The following ADRA2A variants were observed in gnomAD, a reference collection of about 807,000 sequenced individuals.
ADRA2A encodes alpha-2A adrenergic receptor.
A neutral mutation model predicts 5.9 loss-of-function variants in ADRA2A; 6 were observed. The observed-to-expected ratio is 1.01, with a 90% CI of 0.55 to 2.00. The LOEUF is 2.00. Ranked by LOEUF, ADRA2A falls within the 30% of genes most tolerant of loss-of-function variation. The pLI is 0.00. For synonymous variants in ADRA2A, 345 were observed against 325.9 expected (o/e 1.06, Z -0.63); for missense variants, 647 against 690.0 (o/e 0.94, Z 0.70).
Position 111,079,173 on chromosome 10 carries a change from G to A in ADRA2A, c.1177G>A (p.Val393Met). 6.2e-7 allele frequency: 1 copy of A among 1,613,624 alleles called. No individual in the cohort carries two copies. The highest frequency in any genetic ancestry group is 8.5e-7 in the Non-Finnish European group (1 of 1,179,860). The change falls in exon 1 of 1, where the codon GTG becomes ATG. Residue 393 changes from valine (V) to methionine (M), a missense_variant. Around this residue, in one of 3 missense-constraint regions of ADRA2A, gnomAD observed 577 missense variants for 605.4 expected, o/e 0.95. Transcript: ENST00000280155. ...REKRFTFVLA[V>M]VIGVFVVCWF... ...GAAGCGCTTCACGTTCGTGCTGGCCGTGGTCATCGGAGTGTTCGTGGTGTG... is the reference window on the plus strand; with the variant it reads ...GAAGCGCTTCACGTTCGTGCTGGCCATGGTCATCGGAGTGTTCGTGGTGTG...
In ADRA2A at chr10:111,079,567, G is replaced by A. The variant is rs763284560; in HGVS notation, c.*173G>A. ...GGCGTCTGCTGCTCCTACAAGGGAA[G>A]CTTCTTGCTGCCAGGCCCACACATC... On this transcript the variant is annotated 3_prime_UTR_variant, in exon 1 of 1. Transcript: ENST00000280155. 2 of 686,440 alleles carry A rather than the reference G, an allele frequency of 2.9e-6. No individual in the cohort carries two copies. Among genetic ancestry groups the A allele is most frequent in the Non-Finnish European group, 5.0e-6 (2 of 402,022 alleles). The allele number at this position is 686,440 out of a possible 1,614,324, so 42.5% of individuals were successfully genotyped here.
In ADRA2A at chr10:111,080,636, G is replaced by A. The variant is rs1404362118; in HGVS notation, c.*1242G>A. ...CTGCCAAAGTCAGGGGAGGAGGGCA[G>A]AGACTTTGTGTTTACATCTGCATTT... is the stretch of plus-strand genomic sequence containing the variant. On this transcript the variant is annotated 3_prime_UTR_variant, in exon 1 of 1. Transcript: ENST00000280155. The A allele has an allele frequency of 6.0e-6, 1 of 167,092 alleles. No individual in the cohort carries two copies. Among genetic ancestry groups the A allele is most frequent in the Non-Finnish European group, 1.5e-5 (1 of 68,120 alleles). The allele number at this position is 167,092 out of a possible 1,614,324, so 10.4% of individuals were successfully genotyped here.
Position 111,079,078 on chromosome 10 carries a change from C to T in ADRA2A, c.1082C>T (p.Ala361Val). Residue 361 changes from alanine (A) to valine (V), a missense_variant, in exon 1 of 1, where the codon GCT (alanine) becomes GTT (valine). Around this residue, in one of 3 missense-constraint regions of ADRA2A, gnomAD observed 577 missense variants for 605.4 expected, o/e 0.95. Coordinates refer to ENST00000280155, the MANE Select transcript of ADRA2A (RefSeq NM_000681.4). Reference protein sequence around the residue: ...GPGATGIGTPAAGPGEERVGA... With the variant: ...GPGATGIGTPVAGPGEERVGA... ...GGGGCGACGGGGATCGGGACGCCGG[C>T]TGCAGGGCCGGGGGAGGAGCGCGTC... is the stretch of plus-strand genomic sequence containing the variant. 7.1e-6 allele frequency: 10 copies of T among 1,410,878 alleles called. No homozygotes were observed. The highest frequency in any genetic ancestry group is 9.2e-6 in the Non-Finnish European group (10 of 1,087,272). 87.4% of individuals were successfully genotyped at this position (1,410,878 alleles called of 1,614,324 possible). A position where few individuals can be genotyped will look rare whatever the true frequency, so the allele number is the denominator to read the frequency against.
chr10:111,078,249 C>G lies in ADRA2A; in HGVS notation c.253C>G (p.Leu85Val). 6.2e-7 allele frequency: 1 copy of G among 1,613,596 alleles called. No individual in the cohort carries two copies. The highest frequency in any genetic ancestry group is 1.7e-5 in the Admixed American group (1 of 60,014). The stretch of plus-strand genomic sequence containing the variant: ...CCGCGCGCTCAAGGCGCCCCAAAAC[C>G]TCTTCCTGGTGTCTCTGGCCTCGGC... Reference protein sequence around the residue: ...TSRALKAPQNLFLVSLASADI... With the variant: ...TSRALKAPQNVFLVSLASADI... The change falls in exon 1 of 1, where the codon CTC (leucine) becomes GTC (valine). Residue 85 changes from leucine (L) to valine (V), a missense_variant. This residue lies in a region of ADRA2A where 577 missense variants were observed against 605.4 expected (regional missense o/e 0.95). Coordinates refer to ENST00000280155, the MANE Select transcript of ADRA2A (RefSeq NM_000681.4).
rs768660198 is a variant in ADRA2A, at chr10:111,080,230, C to G, written c.*836C>G. 3 of 167,056 alleles carry G rather than the reference C, an allele frequency of 1.8e-5. No homozygotes were observed. Among genetic ancestry groups the G allele is most frequent in the Non-Finnish European group, 2.9e-5 (2 of 68,132 alleles). The allele number at this position is 167,056 out of a possible 1,614,324, so 10.3% of individuals were successfully genotyped here. On this transcript the variant is annotated 3_prime_UTR_variant, in exon 1 of 1. Transcript: ENST00000280155. The stretch of plus-strand genomic sequence containing the variant: ...TGAGCCTTTCTGCCTCACATCAGCC[C>G]TGTGTATAAAGCCATTATTCTCTGA...
In ADRA2A at chr10:111,077,919, C is replaced by A; in HGVS notation, c.-78C>A. On this transcript the variant is annotated 5_prime_UTR_variant, in exon 1 of 1. Coordinates refer to ENST00000280155, the MANE Select transcript of ADRA2A (RefSeq NM_000681.4). ...AGCCGCAGCCAGGCGAGCGGGGCGC[C>A]GGAGGAAGAGGAGGACCCACGGGCG... 1 of 1,322,362 alleles carries A rather than the reference C, an allele frequency of 7.6e-7. No homozygotes were observed. Among genetic ancestry groups the A allele is most frequent in the South Asian group, 2.3e-5 (1 of 43,330 alleles). 81.9% of individuals were successfully genotyped at this position (1,322,362 alleles called of 1,614,324 possible). A position where few individuals can be genotyped will look rare whatever the true frequency, so the allele number is the denominator to read the frequency against.
rs1174185126 is a variant in ADRA2A, at chr10:111,078,909, G to A, written c.913G>A (p.Ala305Thr). The A allele has an allele frequency of 8.2e-7, 1 of 1,220,430 alleles. No homozygotes were observed. The allele number at this position is 1,220,430 out of a possible 1,614,324, so 75.6% of individuals were successfully genotyped here. A position where few individuals can be genotyped will look rare whatever the true frequency, so the allele number is the denominator to read the frequency against. ...GCCGGCCGGGCCGCGCGACACCGACGCGCTGGACCTGGAGGAGAGCTCGTC... is the reference window on the plus strand; with the variant it reads ...GCCGGCCGGGCCGCGCGACACCGACACGCTGGACCTGGAGGAGAGCTCGTC... ...PAPAGPRDTD[A>T]LDLEESSSSD... The change falls in exon 1 of 1, where the codon GCG (alanine) becomes ACG (threonine). Residue 305 changes from alanine to threonine, a missense_variant. Physicochemically the swap from Ala to Thr is moderately conservative, Grantham distance 58. Coordinates refer to ENST00000280155, the MANE Select transcript of ADRA2A (RefSeq NM_000681.4).
Position 111,077,965 on chromosome 10 carries a change from C to T in ADRA2A, c.-32C>T, listed in dbSNP as rs1212699700. ...GGGCGCCGGGCCGGAAGGCAGCTGGCAGCAGGCCCAGGCCAGCGGGCGCCC... is the reference window on the plus strand; with the variant it reads ...GGGCGCCGGGCCGGAAGGCAGCTGGTAGCAGGCCCAGGCCAGCGGGCGCCC... On this transcript the variant is annotated 5_prime_UTR_variant, in exon 1 of 1. Transcript: ENST00000280155. 7.4e-6 allele frequency: 10 copies of T among 1,353,504 alleles called. No individual in the cohort carries two copies. Among genetic ancestry groups the T allele is most frequent in the Non-Finnish European group, 9.4e-6 (10 of 1,061,022 alleles). 83.8% of individuals were successfully genotyped at this position (1,353,504 alleles called of 1,614,324 possible). A position where few individuals can be genotyped will look rare whatever the true frequency, so the allele number is the denominator to read the frequency against.
rs199783285 is a variant in ADRA2A, at chr10:111,078,526, C to T, written c.530C>T (p.Ala177Val). ...AIIITVWVIS[A>V]VISFPPLISI... Reference sequence around the variant, plus strand: ...ATCATCACCGTGTGGGTCATCTCGGCCGTCATCTCCTTCCCGCCGCTCATC... The same window carrying T: ...ATCATCACCGTGTGGGTCATCTCGGTCGTCATCTCCTTCCCGCCGCTCATC... The change falls in exon 1 of 1, where the codon GCC becomes GTC. Residue 177 changes from alanine (A) to valine (V), a missense_variant. Ala to Val is a moderately conservative substitution (Grantham distance 64). Around this residue, in one of 3 missense-constraint regions of ADRA2A, gnomAD observed 577 missense variants for 605.4 expected, o/e 0.95. Transcript: ENST00000280155. The T allele has an allele frequency of 6.3e-5, 101 of 1,610,086 alleles. No homozygotes were observed. The highest frequency in any genetic ancestry group is 7.7e-5 in the Non-Finnish European group (91 of 1,177,480).
rs1423589963 is a variant in ADRA2A, at chr10:111,080,163, T to A, written c.*769T>A. 1 of 167,096 alleles carries A rather than the reference T, an allele frequency of 6.0e-6. No homozygotes were observed. The highest frequency in any genetic ancestry group is 2.4e-5 in the African/African-American group (1 of 41,444). The allele number at this position is 167,096 out of a possible 1,614,324, so 10.4% of individuals were successfully genotyped here. A position where few individuals can be genotyped will look rare whatever the true frequency, so the allele number is the denominator to read the frequency against. ...TGTGCCTAACAGCATAATTGCCTTT[T>A]CCTATGTAAATATTATGATGGTGGA... On this transcript the variant is annotated 3_prime_UTR_variant, in exon 1 of 1. Coordinates refer to ENST00000280155, the MANE Select transcript of ADRA2A (RefSeq NM_000681.4).
In ADRA2A at chr10:111,077,647, G is replaced by A. The variant is rs1003792959; in HGVS notation, c.-350G>A. ...ATTTAATTTCCTGTCATCCTTCCAAGTTATCAGGCCACCGATGATTTTTGT... is the reference window on the plus strand; with the variant it reads ...ATTTAATTTCCTGTCATCCTTCCAAATTATCAGGCCACCGATGATTTTTGT... On this transcript the variant is annotated 5_prime_UTR_variant, in exon 1 of 1. Transcript: ENST00000280155. 2.5e-5 allele frequency: 4 copies of A among 158,014 alleles called. No individual in the cohort carries two copies. The Admixed American group carries it at 2.6e-4, about 10-fold the overall frequency. The allele number at this position is 158,014 out of a possible 1,614,324, so 9.8% of individuals were successfully genotyped here.
Position 111,079,454 on chromosome 10 carries a change from G to A in ADRA2A, c.*60G>A, listed in dbSNP as rs533089129. On this transcript the variant is annotated 3_prime_UTR_variant, in exon 1 of 1. Transcript: ENST00000280155. ...CTGCAGGCAGCGGGGGGCATCGAGGGGTGCTTAGCCCCAGGGCACTCAGAA... is the reference window on the plus strand; with the variant it reads ...CTGCAGGCAGCGGGGGGCATCGAGGAGTGCTTAGCCCCAGGGCACTCAGAA... 47 of 1,573,996 alleles carry A rather than the reference G, an allele frequency of 3.0e-5. 2 individuals carry two copies. The South Asian group carries it at 5.0e-4, about 17-fold the overall frequency.
At position 111,078,739 on chromosome 10, in the gene ADRA2A, G is replaced by A. The variant is rs780653851; in HGVS notation, c.743G>A (p.Arg248His). ...AKRRTRVPPS[R>H]RGPDAVAAPP... Reference sequence around the variant, plus strand: ...CGTCGCACCCGCGTGCCACCCAGCCGCCGGGGTCCGGACGCCGTCGCCGCG... The same window carrying A: ...CGTCGCACCCGCGTGCCACCCAGCCACCGGGGTCCGGACGCCGTCGCCGCG... The change falls in exon 1 of 1, where the codon CGC becomes CAC. Residue 248 changes from arginine to histidine, a missense_variant. Arg to His is a conservative substitution (Grantham distance 29). Transcript: ENST00000280155. The A allele has an allele frequency of 4.7e-6, 7 of 1,485,348 alleles. No homozygotes were observed. Among genetic ancestry groups the A allele is most frequent in the Non-Finnish European group, 4.4e-6 (5 of 1,124,788 alleles). 92.0% of individuals were successfully genotyped at this position (1,485,348 alleles called of 1,614,324 possible). A position where few individuals can be genotyped will look rare whatever the true frequency, so the allele number is the denominator to read the frequency against.
chr10:111,078,578 C>T lies in ADRA2A; in HGVS notation c.582C>T (p.Gly194=), dbSNP rs774481735. The change falls in exon 1 of 1, where the codon GGC becomes GGT. Residue 194 remains glycine (G), a synonymous_variant. Coordinates refer to ENST00000280155, the MANE Select transcript of ADRA2A (RefSeq NM_000681.4). ...CCATCGAGAAGAAGGGCGGCGGCGG[C>T]GGCCCGCAGCCGGCCGAGCCGCGCT... ...LISIEKKGGG[G]GPQPAEPRCE... is the part of the protein sequence containing the mutation. The T allele has an allele frequency of 5.0e-6, 8 of 1,597,714 alleles. No individual in the cohort carries two copies. The highest frequency in any genetic ancestry group is 2.7e-5 in the African/African-American group (2 of 74,372).
Position 111,077,136 on chromosome 10 carries a change from T to G in ADRA2A, c.-861T>G, listed in dbSNP as rs914901471. 6 of 152,666 alleles carry G rather than the reference T, an allele frequency of 3.9e-5. No individual in the cohort carries two copies. Among genetic ancestry groups the G allele is most frequent in the African/African-American group, 1.4e-4 (6 of 41,454 alleles). 9.5% of individuals were successfully genotyped at this position (152,666 alleles called of 1,614,324 possible). ...CTTGCGCTCCTGCCCCAACTCGCGC[T>G]GTCGTCGGACCCCGGCCCATCCAGC... On this transcript the variant is annotated 5_prime_UTR_variant, in exon 1 of 1. Transcript: ENST00000280155.
chr10:111,078,891 G>A lies in ADRA2A; in HGVS notation c.895G>A (p.Gly299Arg), dbSNP rs898875531. Residue 299 changes from glycine (G) to arginine (R), a missense_variant, in exon 1 of 1, where the codon GGG (glycine) becomes AGG (arginine). Physicochemically the swap from Gly to Arg is moderately radical, Grantham distance 125. Transcript: ENST00000280155. The stretch of plus-strand genomic sequence containing the variant: ...CGCCCCTGGCGAGCCCGCGCCGGCC[G>A]GGCCGCGCGACACCGACGCGCTGGA... ...NGAPGEPAPA[G>R]PRDTDALDLE... The A allele has an allele frequency of 5.4e-5, 65 of 1,203,938 alleles. 1 individual carries two copies. In the African/African-American group the frequency reaches 6.9e-4, roughly 13 times the overall value. 74.6% of individuals were successfully genotyped at this position (1,203,938 alleles called of 1,614,324 possible).
In ADRA2A at chr10:111,079,300, C is replaced by G. The variant is rs746085432; in HGVS notation, c.1304C>G (p.Ser435Trp). 1.2e-6 allele frequency: 2 copies of G among 1,614,124 alleles called. No individual in the cohort carries two copies. Among genetic ancestry groups the G allele is most frequent in the East Asian group, 4.5e-5 (2 of 44,884 alleles). The change falls in exon 1 of 1, where the codon TCG (serine) becomes TGG (tryptophan). Residue 435 changes from serine to tryptophan, a missense_variant. Coordinates refer to ENST00000280155, the MANE Select transcript of ADRA2A (RefSeq NM_000681.4). ...TTCTGGTTCGGCTACTGCAACAGCT[C>G]GTTGAACCCGGTCATCTACACCATC... ...FFFWFGYCNS[S>W]LNPVIYTIFN...
In ADRA2A at chr10:111,077,800, G is replaced by A. The variant is rs2134207915; in HGVS notation, c.-197G>A. The A allele has an allele frequency of 4.0e-6, 3 of 757,416 alleles. No individual in the cohort carries two copies. Among genetic ancestry groups the A allele is most frequent in the South Asian group, 6.0e-5 (1 of 16,658 alleles). 46.9% of individuals were successfully genotyped at this position (757,416 alleles called of 1,614,324 possible). A position where few individuals can be genotyped will look rare whatever the true frequency, so the allele number is the denominator to read the frequency against. On this transcript the variant is annotated 5_prime_UTR_variant, in exon 1 of 1. Transcript: ENST00000280155. ...AAGGCGCCCACCGAGAGCGTCTGAAGCGCGAGCCAGGCGCAGTTCGCGGGA... is the reference window on the plus strand; with the variant it reads ...AAGGCGCCCACCGAGAGCGTCTGAAACGCGAGCCAGGCGCAGTTCGCGGGA...
rs1418647320 is a variant in ADRA2A at position 111,079,226 on chromosome 10, G to T, written c.1230G>T (p.Thr410=). Residue 410 remains threonine (T), a synonymous_variant, in exon 1 of 1, where the codon ACG becomes ACT. Coordinates refer to ENST00000280155, the MANE Select transcript of ADRA2A (RefSeq NM_000681.4). ...GGTTCCCCTTCTTCTTCACCTACACGCTCACGGCCGTCGGGTGCTCCGTGC... is the reference window on the plus strand; with the variant it reads ...GGTTCCCCTTCTTCTTCACCTACACTCTCACGGCCGTCGGGTGCTCCGTGC... ...VCWFPFFFTY[T]LTAVGCSVPR... 1.2e-6 allele frequency: 2 copies of T among 1,614,058 alleles called. No individual in the cohort carries two copies. Among genetic ancestry groups the T allele is most frequent in the Non-Finnish European group, 1.7e-6 (2 of 1,179,994 alleles).
Sources: allele counts gnomAD v4.1 joint callset, GRCh38; gene constraint gnomAD v4.1.1; regional missense constraint gnomAD v4.1.1; transcripts MANE v1.5; gene names NCBI Gene and HGNC (gene_info 2026-07-23, HGNC 2026-07-21).